Variants in TERF1 observed in about 807,000 individuals in gnomAD.
TERF1 encodes the protein telomeric repeat-binding factor 1.
A neutral mutation model predicts 55.1 loss-of-function variants in TERF1; 20 were observed. That is an observed-to-expected ratio of 0.36 (90% CI 0.26 to 0.53). The LOEUF (loss-of-function observed/expected upper bound fraction) is 0.53. TERF1 is among the 20% of genes least tolerant of loss of function. The pLI is 0.91. For missense variants in TERF1, 439 were observed against 535.7 expected (o/e 0.82, Z 1.78); for synonymous variants, 168 against 181.2 (o/e 0.93, Z 0.59).
chr8:73,016,437 C>CTT (rs1203829786), intron 2 of TERF1, among the ~76,000 whole-genome samples: 5 of 135,722 alleles, frequency 3.7e-5, no homozygotes, highest in Admixed American at 1.5e-4. Context: ...GAACTTTAAG[C>CTT]TTTTTTTTTT....
At chr8:73,026,844 C>T in intron 5 of TERF1, 96 bp from the exon 6 acceptor site, 1 of 900,678 alleles carries the variant, frequency 1.1e-6, no homozygotes, top group Non-Finnish European at 1.8e-6. Flanking sequence ...TTAGCTATGA[C>T]TATCAAAGAA....
intron 8 of TERF1, among the ~76,000 whole-genome samples, chr8:73,037,737 A>ATATTATATTATATAT (rs1216296874): frequency 3.1e-4 from 26 of 83,512 alleles, no homozygotes; most frequent in African/African-American, 1.5e-3. Context: ...ATATAGTATG[A>ATATTATATTATATAT]AATATATATT....
chr8:73,017,434 TC>T (rs970097972), intron 2 of TERF1, among the ~76,000 whole-genome samples: 1 of 152,192 alleles, frequency 6.6e-6, no homozygotes, highest in Non-Finnish European at 1.5e-5. Flanking sequence ...TGCCTGACAC[TC>T]AGTGTTAGTT....
chr8:73,020,281 ATATT>A (rs1202028519), intron 2 of TERF1, among the ~76,000 whole-genome samples: 1 of 152,154 alleles, frequency 6.6e-6, no homozygotes, highest in East Asian at 1.9e-4. Flanking sequence ...ATCTCATTAT[ATATT>A]CACATAAATT....
chr8:73,038,170 C>T (rs1809685248), intron 8 of TERF1, among the ~76,000 whole-genome samples: 1 of 151,762 alleles, frequency 6.6e-6, no homozygotes. Context: ...TCTAAGAGGC[C>T]ATGACCTGAT....
intron 1 of TERF1, 136 bp from the exon 2 acceptor site, chr8:73,013,759 A>C: frequency 1.7e-6 from 1 of 582,286 alleles, no homozygotes; most frequent in Non-Finnish European, 3.1e-6. Flanking sequence ...CTGAATTTTA[A>C]TCAGATCTTA....
rs751675876 is a variant in TERF1, at chr8:73,020,709, A to G, written c.441A>G (p.Arg147=). The G allele has an allele frequency of 1.2e-6, 2 of 1,603,914 alleles. No individual in the cohort carries two copies. Among genetic ancestry groups the G allele is most frequent in the Non-Finnish European group, 1.7e-6 (2 of 1,176,436 alleles). Residue 147 remains arginine, a synonymous_variant, in exon 3 of 10, where the codon CGA becomes CGG. Coordinates refer to ENST00000276603, the MANE Select transcript of TERF1 (RefSeq NM_017489.3). The part of the protein sequence containing the change: ...TLDAQFENDE[R]ITPLESALMI... ...ATGCACAGTTTGAAAATGATGAACG[A>G]ATTACACCCTTGGAATCAGCCCTGA... is the stretch of plus-strand genomic sequence containing the variant.
chr8:73,023,158 T>C (rs868070055), intron 4 of TERF1, among the ~76,000 whole-genome samples: 16 of 152,206 alleles, frequency 1.1e-4, no homozygotes, highest in Admixed American at 2.6e-4. Flanking sequence ...TTTGGGTTTA[T>C]ATGAAGAGTA....
chr8:73,040,566 A>G (rs1378859465), intron 9 of TERF1, among the ~76,000 whole-genome samples: 1 of 152,170 alleles, frequency 6.6e-6, no homozygotes, highest in African/African-American at 2.4e-5. Flanking sequence ...CAGTTTGAAT[A>G]TGATGTACAT....
rs1387953682 is a variant in TERF1, at chr8:73,032,140, ACT to A, written c.1039+8_1039+9del. 3.1e-6 allele frequency: 5 copies of A among 1,593,882 alleles called. No homozygotes were observed. The Admixed American group carries it at 8.5e-5, about 27-fold the overall frequency. ...AGAGTAGGAACTCCTCAAAGTGAGT[ACT>A]GTTATAACAGTTTTAGAAGGGGAGA... On this transcript the variant is annotated splice_region_variant and intron_variant, in intron 8 of 9. Coordinates refer to ENST00000276603, the MANE Select transcript of TERF1 (RefSeq NM_017489.3).
intron 8 of TERF1, 146 bp downstream of exon 8, chr8:73,032,279 G>A (rs1809322397): frequency 1.7e-6 from 1 of 581,830 alleles, no homozygotes; most frequent in Non-Finnish European, 2.9e-6. Flanking sequence ...AATTGAGATA[G>A]TGTTTAATTT....
At chr8:73,035,039 T>G (rs192563101) in intron 8 of TERF1, among the ~76,000 whole-genome samples, 89 of 152,290 alleles carry the variant, frequency 5.8e-4, no homozygotes, top group African/African-American at 2.0e-3. Flanking sequence ...TACATTTAAT[T>G]TTTAATATGT....
chr8:73,026,896 A>T, intron 5 of TERF1, 44 bp from the exon 6 acceptor site: 1 of 1,417,244 alleles, frequency 7.1e-7, no homozygotes, highest in Non-Finnish European at 9.9e-7. Context: ...AAATGGCTTA[A>T]TGCATTTCTT....
chr8:73,016,279 A>T (rs1216101550), intron 2 of TERF1, among the ~76,000 whole-genome samples: 1 of 148,426 alleles, frequency 6.7e-6, no homozygotes, highest in Admixed American at 6.8e-5. Context: ...ATGTATGGCT[A>T]GTAGCTACCA....
rs754522241 is a variant in TERF1 at position 73,008,920 on chromosome 8, C to T, written c.34C>T (p.Pro12Ser). The change falls in exon 1 of 10, where the codon CCG becomes TCG. Residue 12 changes from proline to serine, a missense_variant. By Grantham distance (74) the Pro-to-Ser change is moderately conservative. This residue lies in a region of TERF1 where 179 missense variants were observed against 152.6 expected (regional missense o/e 1.17). Transcript: ENST00000276603. ...AEDVSSAAPSPRGCADGRDAD... is the reference protein window; with the variant it reads ...AEDVSSAAPSSRGCADGRDAD... Reference sequence around the variant, plus strand: ...GGATGTTTCCTCAGCGGCCCCGAGCCCGCGGGGCTGTGCGGATGGTAGGGA... The same window carrying T: ...GGATGTTTCCTCAGCGGCCCCGAGCTCGCGGGGCTGTGCGGATGGTAGGGA... 4.3e-6 allele frequency: 7 copies of T among 1,611,722 alleles called. No homozygotes were observed. The South Asian group carries it at 4.4e-5, about 10-fold the overall frequency.
At chr8:73,043,749 GT>G (rs1809925016) in intron 9 of TERF1, among the ~76,000 whole-genome samples, 1 of 152,140 alleles carries the variant, frequency 6.6e-6, no homozygotes, top group African/African-American at 2.4e-5. Flanking sequence ...AGGGGCTTTT[GT>G]ATTGTATCAA....
At chr8:73,018,055 G>C (rs956620244) in intron 2 of TERF1, among the ~76,000 whole-genome samples, 6 of 152,140 alleles carry the variant, frequency 3.9e-5, no homozygotes, top group Non-Finnish European at 8.8e-5. Context: ...CTGAGGTATA[G>C]CAAACATTGA....
chr8:73,040,210 T>A (rs1313768491), intron 9 of TERF1, among the ~76,000 whole-genome samples: 2 of 152,142 alleles, frequency 1.3e-5, no homozygotes, highest in Admixed American at 6.6e-5. Flanking sequence ...TTTTTTAGCC[T>A]TGCCATCTCT....
chr8:73,044,121 G>C (rs1221618527), intron 9 of TERF1, among the ~76,000 whole-genome samples: 1 of 152,162 alleles, frequency 6.6e-6, no homozygotes, highest in Non-Finnish European at 1.5e-5. Context: ...GTTTTTGTCA[G>C]TTAATGACAA....
Sources: gnomAD v4.1 joint callset for allele counts (sites outside exome capture counted in the v4.1 genomes callset) on GRCh38, gnomAD v4.1.1 for gene constraint, gnomAD v4.1.1 regional missense constraint, MANE v1.5 for transcripts, NCBI Gene and HGNC (gene_info 2026-07-23, HGNC 2026-07-21) for gene names.